Variants in WASHC2C observed in about 807,000 individuals in gnomAD.
WASHC2C encodes the protein Vaccinia Penetration Factor.
In WASHC2C, 73 loss-of-function variants were observed where a neutral mutation model predicts 142.2. The observed-to-expected ratio is 0.51, with a 90% CI of 0.43 to 0.62. The LOEUF (loss-of-function observed/expected upper bound fraction) is 0.62, where lower values mean the gene tolerates loss of function less well. WASHC2C is among the 20% of genes least tolerant of loss of function. The pLI is 0.00. For synonymous variants in WASHC2C, 337 were observed against 565.5 expected (o/e 0.60, Z 5.73); for missense variants, 969 against 1,531.7 (o/e 0.63, Z 6.13).
At position 45,750,802 on chromosome 10, in the gene WASHC2C, G is replaced by A; in HGVS notation, c.895G>A (p.Gly299Arg). 6.5e-7 allele frequency: 1 copy of A among 1,548,880 alleles called. No homozygotes were observed. Among genetic ancestry groups the A allele is most frequent in the Non-Finnish European group, 8.7e-7 (1 of 1,147,156 alleles). Residue 299 changes from glycine (G) to arginine (R), a missense_variant, in exon 10 of 31, where the codon GGG (glycine) becomes AGG (arginine). By Grantham distance (125) the Gly-to-Arg change is moderately radical. Coordinates refer to ENST00000623400, the MANE Select transcript of WASHC2C (RefSeq NM_001330074.2). Reference protein sequence around the residue: ...FADELAARIKGDAMGRVDEEP... With the variant: ...FADELAARIKRDAMGRVDEEP... ...AGATGAGCTGGCTGCCCGCATCAAG[G>A]GGGATGCCATGGGTCGAGTGGACGA...
intron 3 of WASHC2C, among the ~76,000 whole-genome samples, chr10:45,736,653 G>C (rs1165973886): frequency 6.6e-6 from 1 of 152,124 alleles, no homozygotes; most frequent in Non-Finnish European, 1.5e-5. Context: ...ATATATGCAC[G>C]TGTTAGCTTA....
At chr10:45,773,696 G>A (rs1452778025) in intron 21 of WASHC2C, among the ~76,000 whole-genome samples, 3 of 152,230 alleles carry the variant, frequency 2.0e-5, no homozygotes, top group African/African-American at 7.2e-5. Context: ...CACTGGTCCT[G>A]GTTTATATTA....
intron 16 of WASHC2C, among the ~76,000 whole-genome samples, 197 bp downstream of exon 16, chr10:45,757,336 T>G (rs1414953114): frequency 6.8e-6 from 1 of 148,088 alleles, no homozygotes; most frequent in Non-Finnish European, 1.5e-5. Flanking sequence ...TGGCAAACAC[T>G]TTATGGATGT....
At chr10:45,752,219 T>C (rs1278653835) in intron 11 of WASHC2C, among the ~76,000 whole-genome samples, 3 of 152,380 alleles carry the variant, frequency 2.0e-5, no homozygotes, top group South Asian at 2.1e-4. Context: ...CTGTGTCAGT[T>C]TGCAGATCCC....
At chr10:45,736,404 T>A (rs2051260406) in intron 3 of WASHC2C, among the ~76,000 whole-genome samples, 1 of 7,570 alleles carries the variant, frequency 1.3e-4, no homozygotes, top group Non-Finnish European at 2.9e-4. Flanking sequence ...AGACTCCATC[T>A]CAAAAAAAAA....
At chr10:45,749,236 A>C (rs1257430958) in intron 8 of WASHC2C, among the ~76,000 whole-genome samples, 1 of 151,974 alleles carries the variant, frequency 6.6e-6, no homozygotes. Flanking sequence ...GGAGTTCGAG[A>C]CCAGCCTGCC....
chr10:45,765,737 G>T lies in WASHC2C; in HGVS notation c.1796G>T (p.Arg599Ile). 10 of 1,612,056 alleles carry T rather than the reference G, an allele frequency of 6.2e-6. No individual in the cohort carries two copies. The highest frequency in any genetic ancestry group is 8.5e-6 in the Non-Finnish European group (10 of 1,179,872). ...KKQTLSLQAQ[R>I]EEKAKASELS... ...CAGACATTGTCTCTACAAGCTCAGAGAGAAGAGAAAGCAAAAGCCTCCGAG... is the reference window on the plus strand; with the variant it reads ...CAGACATTGTCTCTACAAGCTCAGATAGAAGAGAAAGCAAAAGCCTCCGAG... Residue 599 changes from arginine (R) to isoleucine (I), a missense_variant, in exon 19 of 31, where the codon AGA (arginine) becomes ATA (isoleucine). Transcript: ENST00000623400.
At chr10:45,790,642 G>T (rs1304255082) in intron 30 of WASHC2C, 109 bp downstream of exon 30, 2 of 1,285,096 alleles carry the variant, frequency 1.6e-6, no homozygotes, top group Non-Finnish European at 2.2e-6. Context: ...ACCCCAGCGG[G>T]TTCACTTCAG....
Position 45,750,795 on chromosome 10 carries a change from C to G in WASHC2C, c.888C>G (p.Arg296=). 6.5e-7 allele frequency: 1 copy of G among 1,548,842 alleles called. No homozygotes were observed. The highest frequency in any genetic ancestry group is 8.7e-7 in the Non-Finnish European group (1 of 1,147,158). Residue 296 remains arginine, a synonymous_variant, in exon 10 of 31, where the codon CGC becomes CGG. Coordinates refer to ENST00000623400, the MANE Select transcript of WASHC2C (RefSeq NM_001330074.2). ...PTSFADELAA[R]IKGDAMGRVD... The stretch of plus-strand genomic sequence containing the variant: ...CGTTTGCAGATGAGCTGGCTGCCCG[C>G]ATCAAGGGGGATGCCATGGGTCGAG...
At chr10:45,734,361 G>A (rs868983374) in intron 3 of WASHC2C, among the ~76,000 whole-genome samples, 3 of 140,008 alleles carry the variant, frequency 2.1e-5, no homozygotes, top group Non-Finnish European at 3.2e-5. Context: ...CTAGATGACT[G>A]TGTGTGTGTG....
intron 5 of WASHC2C, among the ~76,000 whole-genome samples, chr10:45,741,101 C>T (rs1191248134): frequency 6.6e-6 from 1 of 151,924 alleles, no homozygotes; most frequent in Admixed American, 6.6e-5. Flanking sequence ...GCGCCCACCA[C>T]CACACCCAGC....
chr10:45,745,680 G>C (rs1177893132), intron 7 of WASHC2C, among the ~76,000 whole-genome samples: 1 of 151,866 alleles, frequency 6.6e-6, no homozygotes, highest in African/African-American at 2.4e-5. Flanking sequence ...TTTAGCCACC[G>C]ATGTGGCACT....
At chr10:45,782,471 G>T (rs1408781382) in intron 23 of WASHC2C, among the ~76,000 whole-genome samples, 1 of 150,520 alleles carries the variant, frequency 6.6e-6, no homozygotes, top group African/African-American at 2.4e-5. Flanking sequence ...ACGAGTGTTG[G>T]TAAGGATGTG....
At chr10:45,759,609 A>T (rs1425696770) in intron 17 of WASHC2C, among the ~76,000 whole-genome samples, 1 of 152,134 alleles carries the variant, frequency 6.6e-6, no homozygotes, top group Non-Finnish European at 1.5e-5. Flanking sequence ...ACCTGAGGTC[A>T]GGAGTTGGAG....
intron 3 of WASHC2C, among the ~76,000 whole-genome samples, chr10:45,729,429 T>C (rs2050281531): frequency 6.6e-6 from 1 of 152,214 alleles, no homozygotes; most frequent in Non-Finnish European, 1.5e-5. Context: ...TAAATTATAT[T>C]CAGGGGATAT....
chr10:45,764,837 C>G (rs2055595493), intron 18 of WASHC2C, among the ~76,000 whole-genome samples: 1 of 152,260 alleles, frequency 6.6e-6, no homozygotes, highest in African/African-American at 2.4e-5. Flanking sequence ...AATGTGAGCT[C>G]TGTCATTAGC....
chr10:45,746,594 A>G lies in WASHC2C; in HGVS notation c.685-6A>G, dbSNP rs753963722. 1.9e-6 allele frequency: 3 copies of G among 1,613,516 alleles called. No homozygotes were observed. Among genetic ancestry groups the G allele is most frequent in the African/African-American group, 1.3e-5 (1 of 75,002 alleles). ...TTAACAACAAAGCCTTTTCTTACCC[A>G]TAAAGGAGTCAGATGAAGATTTTGC... On this transcript the variant is annotated splice_region_variant and splice_polypyrimidine_tract_variant and intron_variant, in intron 7 of 30. Coordinates refer to ENST00000623400, the MANE Select transcript of WASHC2C (RefSeq NM_001330074.2).
At chr10:45,749,880 T>A (rs1554873343) in intron 8 of WASHC2C, among the ~76,000 whole-genome samples, 1 of 133,922 alleles carries the variant, frequency 7.5e-6, no homozygotes, top group African/African-American at 2.8e-5. Flanking sequence ...TATTTATATT[T>A]TATATATATT....
At chr10:45,756,654 T>A (rs2054336108) in intron 15 of WASHC2C, among the ~76,000 whole-genome samples, 1 of 152,192 alleles carries the variant, frequency 6.6e-6, no homozygotes, top group Non-Finnish European at 1.5e-5. Flanking sequence ...AGCCTTCATT[T>A]CTCAGATTCC....
Sources: gnomAD v4.1 joint callset for allele counts (sites outside exome capture counted in the v4.1 genomes callset) on GRCh38, gnomAD v4.1.1 for gene constraint, MANE v1.5 for transcripts, NCBI Gene and HGNC (gene_info 2026-07-23, HGNC 2026-07-21) for gene names.